Variants in PCDHA8 observed in about 807,000 individuals in gnomAD.
The protein encoded by PCDHA8 is protocadherin alpha-8.
A neutral mutation model predicts 61.8 loss-of-function variants in PCDHA8; 53 were observed. The observed-to-expected ratio is 0.86, with a 90% confidence interval of 0.69 to 1.08. The LOEUF (loss-of-function observed/expected upper bound fraction) is 1.08. Among genes scored for constraint, PCDHA8 ranks in the 50% least tolerant of loss-of-function variants. PCDHA8 has a pLI of 0.00. For synonymous variants in PCDHA8, 618 were observed against 556.6 expected, an observed-to-expected ratio of 1.11 and a Z score of -1.55; for missense variants, 1,293 against 1,245.0, an observed-to-expected ratio of 1.04 and a Z score of -0.58.
At chr5:140,864,608 T>C (rs1180007033) in intron 1 of PCDHA8, 3 of 152,188 alleles carry the variant, frequency 2.0e-5, no homozygotes, top group Non-Finnish European at 4.4e-5. Context: ...GCCAACAACT[T>C]TGTTCTTTTT....
At chr5:140,970,893 T>C (rs568576965) in intron 1 of PCDHA8, among the ~76,000 whole-genome samples, 3 of 152,200 alleles carry the variant, frequency 2.0e-5, no homozygotes, top group Non-Finnish European at 4.4e-5. Context: ...CATGGACATT[T>C]CAGATAGATT....
chr5:140,954,102 A>G (rs2094980163), intron 1 of PCDHA8, among the ~76,000 whole-genome samples: 1 of 152,186 alleles, frequency 6.6e-6, no homozygotes, highest in South Asian at 2.1e-4. Flanking sequence ...TGTCCCTGCA[A>G]AGGACAAGAT....
chr5:140,947,668 T>A (rs2094160892), intron 1 of PCDHA8, among the ~76,000 whole-genome samples: 1 of 151,602 alleles, frequency 6.6e-6, no homozygotes, highest in Admixed American at 6.6e-5. Flanking sequence ...TACTTGGGTC[T>A]TTAAAAAATT....
intron 2 of PCDHA8, among the ~76,000 whole-genome samples, chr5:140,980,947 G>T (rs1430215851): frequency 6.6e-6 from 1 of 152,032 alleles, no homozygotes; most frequent in Non-Finnish European, 1.5e-5. Context: ...GCTGGCTCCA[G>T]GATAGTTACA....
chr5:140,885,638 A>C (rs1490773479), intron 1 of PCDHA8, among the ~76,000 whole-genome samples: 10 of 152,184 alleles, frequency 6.6e-5, no homozygotes, highest in Admixed American at 5.2e-4. Flanking sequence ...ATTGCCTTCC[A>C]AGTATTTTGG....
chr5:140,896,596 C>T (rs1554187019), intron 1 of PCDHA8, among the ~76,000 whole-genome samples: 2 of 151,466 alleles, frequency 1.3e-5, no homozygotes, highest in African/African-American at 4.9e-5. Flanking sequence ...AGGCTGGTCT[C>T]GAACTCCTGG....
intron 1 of PCDHA8, chr5:140,928,178 G>A: frequency 6.2e-7 from 1 of 1,614,192 alleles, no homozygotes. Context: ...AGCACCCGAA[G>A]GACAATCACT....
chr5:140,856,559 C>G lies in PCDHA8; in HGVS notation c.2394+12844C>G, dbSNP rs782226001. On this transcript the variant is annotated intron_variant, in intron 1 of 3. Coordinates refer to ENST00000531613, the MANE Select transcript of PCDHA8 (RefSeq NM_018911.3). ...AGAGAACGCATTGCTTACTTACAAACTCAGTCCAAATGAGTATTTTGTTCT... is the reference window on the plus strand; with the variant it reads ...AGAGAACGCATTGCTTACTTACAAAGTCAGTCCAAATGAGTATTTTGTTCT... 6 of 1,597,988 alleles carry G rather than the reference C, an allele frequency of 3.8e-6. No homozygotes were observed. In the Middle Eastern group the frequency reaches 5.0e-4, roughly 133 times the overall value.
At chr5:140,849,988 G>C in intron 1 of PCDHA8, 2 of 1,597,364 alleles carry the variant, frequency 1.3e-6, no homozygotes, top group South Asian at 1.1e-5. Context: ...GTGGAGCGGC[G>C]GTTGGGCGAG....
chr5:140,877,320 C>G, intron 1 of PCDHA8: 1 of 1,613,972 alleles, frequency 6.2e-7, no homozygotes, highest in Non-Finnish European at 8.5e-7. Context: ...CGGCGGCGGT[C>G]GGCGCGCACA....
At position 140,950,714 on chromosome 5, in the gene PCDHA8, TA is replaced by T. The variant is rs554168605; in HGVS notation, c.2395-28234del. On this transcript the variant is annotated intron_variant, in intron 1 of 3. Coordinates refer to ENST00000531613, the MANE Select transcript of PCDHA8 (RefSeq NM_018911.3). ...AAATTTGACAAATTTTTGTTCCTTA[TA>T]TCCTTAAATTTTTTAATCCTAATTT... Among the ~76,000 whole-genome samples the T allele has an allele frequency of 2.0e-3, 304 of 152,244 alleles. 4 individuals are homozygous for T. The highest frequency in any genetic ancestry group is 6.6e-3 in the African/African-American group (275 of 41,574).
At chr5:140,953,551 T>C (rs565115779) in intron 1 of PCDHA8, among the ~76,000 whole-genome samples, 1 of 152,240 alleles carries the variant, frequency 6.6e-6, no homozygotes, top group East Asian at 1.9e-4. Flanking sequence ...GATTCTTTTC[T>C]CCAAGTTTTA....
At chr5:140,881,074 A>G (rs1416572917) in intron 1 of PCDHA8, among the ~76,000 whole-genome samples, 1 of 152,200 alleles carries the variant, frequency 6.6e-6, no homozygotes, top group African/African-American at 2.4e-5. Context: ...TAATTATTGG[A>G]GCTATGATAT....
At chr5:140,941,259 T>TTCTTTCTTTCTTTCTTTC (rs2092988682) in intron 1 of PCDHA8, among the ~76,000 whole-genome samples, 1 of 121,734 alleles carries the variant, frequency 8.2e-6, no homozygotes, top group Non-Finnish European at 1.8e-5. Flanking sequence ...TTCTTTCTCT[T>TTCTTTCTTTCTTTCTTTC]TCTTTCTTTC....
rs371368253 is a variant in PCDHA8, at chr5:140,871,153, G to C, written c.2394+27438G>C. 77 of 1,613,298 alleles carry C rather than the reference G, an allele frequency of 4.8e-5. No homozygotes were observed. The African/African-American group carries it at 9.2e-4, about 19-fold the overall frequency. On this transcript the variant is annotated intron_variant, in intron 1 of 3. Transcript: ENST00000531613. ...AAAGGCCTCTTCCCGGACTTTGGCG[G>C]GCGCCGCGAGCCCAGAGGCTGCGCT...
chr5:140,988,528 T>C (rs1391489747), intron 3 of PCDHA8, among the ~76,000 whole-genome samples: 1 of 152,194 alleles, frequency 6.6e-6, no homozygotes, highest in African/African-American at 2.4e-5. Flanking sequence ...CTCTGCTGGC[T>C]CCATCCATTC....
chr5:140,923,245 G>T (rs1584300888), intron 1 of PCDHA8, among the ~76,000 whole-genome samples: 3 of 152,190 alleles, frequency 2.0e-5, no homozygotes, highest in East Asian at 1.9e-4. Context: ...TTTGAGACCA[G>T]CTGGGCAACA....
intron 1 of PCDHA8, among the ~76,000 whole-genome samples, chr5:140,924,224 T>A (rs1266072324): frequency 6.6e-6 from 1 of 152,220 alleles, no homozygotes; most frequent in Non-Finnish European, 1.5e-5. Context: ...TAAGTTCAAT[T>A]TTTATGGGCT....
At chr5:140,879,634 C>T (rs888836313) in intron 1 of PCDHA8, among the ~76,000 whole-genome samples, 2 of 152,306 alleles carry the variant, frequency 1.3e-5, no homozygotes, top group Admixed American at 1.3e-4. Context: ...GTAAGTGTGT[C>T]GCTTCCTGTG....
Sources: gnomAD v4.1 joint callset for allele counts (sites outside exome capture counted in the v4.1 genomes callset) on GRCh38, gnomAD v4.1.1 for gene constraint, MANE v1.5 for transcripts, NCBI Gene and HGNC (gene_info 2026-07-23, HGNC 2026-07-21) for gene names.